The following NWD2 variants were observed in gnomAD, a reference collection of about 807,000 sequenced individuals.
NWD2 encodes NACHT and WD repeat domain containing 2, also known as NACHT and WD repeat domain-containing protein 2.
In NWD2, 37 loss-of-function variants were observed where a neutral mutation model predicts 132.7. The observed-to-expected ratio is 0.28, with a 90% confidence interval of 0.21 to 0.37. The LOEUF (loss-of-function observed/expected upper bound fraction) is 0.37, where lower values mean the gene tolerates loss of function less well. Among genes scored for constraint, NWD2 ranks in the 10% least tolerant of loss-of-function variants. The pLI, the probability that NWD2 is intolerant of heterozygous loss-of-function variation, is 1.00. For synonymous variants in NWD2, 705 were observed against 803.0 expected, an observed-to-expected ratio of 0.88 and a Z score of 2.06; for missense variants, 1,592 against 2,122.4, an observed-to-expected ratio of 0.75 and a Z score of 4.91.
At chr4:37,245,728 G>T (rs1341248565) in intron 1 of NWD2, among the ~76,000 whole-genome samples, 1 of 152,072 alleles carries the variant, frequency 6.6e-6, no homozygotes, top group Non-Finnish European at 1.5e-5. Flanking sequence ...CTTTGCAGAG[G>T]CCAAGCAGAC....
chr4:37,330,087 T>C (rs1214103285), intron 2 of NWD2, among the ~76,000 whole-genome samples: 1 of 152,252 alleles, frequency 6.6e-6, no homozygotes, highest in Non-Finnish European at 1.5e-5. Flanking sequence ...ATACGCATTT[T>C]AAGCAAGTCC....
intron 1 of NWD2, among the ~76,000 whole-genome samples, chr4:37,290,820 T>G (rs1369011964): frequency 3.9e-5 from 6 of 152,226 alleles, no homozygotes; most frequent in African/African-American, 1.4e-4. Flanking sequence ...TTTTTGCTCT[T>G]CACTCCGCAG....
At chr4:37,324,740 T>C (rs2109287272) in intron 1 of NWD2, among the ~76,000 whole-genome samples, 1 of 152,300 alleles carries the variant, frequency 6.6e-6, no homozygotes, top group South Asian at 2.1e-4. Context: ...GAATCTTTGA[T>C]TTCTGTGTAA....
chr4:37,432,436 T>C (rs966090750), intron 4 of NWD2, among the ~76,000 whole-genome samples: 1 of 152,018 alleles, frequency 6.6e-6, no homozygotes. Flanking sequence ...ATCATAATCA[T>C]GATCAGTTTC....
intron 1 of NWD2, among the ~76,000 whole-genome samples, chr4:37,284,311 C>T (rs1453722168): frequency 6.6e-6 from 1 of 152,206 alleles, no homozygotes; most frequent in African/African-American, 2.4e-5. Flanking sequence ...ACTTTCATGA[C>T]TTAATTACTT....
At position 37,444,274 on chromosome 4, in the gene NWD2, T is replaced by C; in HGVS notation, c.2286T>C (p.Tyr762=). The change falls in exon 7 of 7, where the codon TAT becomes TAC. Residue 762 remains tyrosine (Y), a synonymous_variant. Coordinates refer to ENST00000309447, the MANE Select transcript of NWD2 (RefSeq NM_001144990.2). This position sits in a 1 kb window ranked among gnomAD's most constrained non-coding sequence, Gnocchi z 4.8. ...AAATGCACACCATCTTAGCAGATTA[T>C]TTTCTGGGGGTTTGGTCAGGGGGCA... ...LREMHTILAD[Y]FLGVWSGGRR... is the part of the protein sequence containing the mutation. 1 of 1,551,644 alleles carries C rather than the reference T, an allele frequency of 6.4e-7. No individual in the cohort carries two copies. The highest frequency in any genetic ancestry group is 8.7e-7 in the Non-Finnish European group (1 of 1,146,980).
chr4:37,308,219 C>A (rs770615459), intron 1 of NWD2, among the ~76,000 whole-genome samples: 3 of 152,164 alleles, frequency 2.0e-5, no homozygotes, highest in Admixed American at 2.0e-4. Flanking sequence ...TCTGGTAGAA[C>A]AGTCACGTCT....
intron 1 of NWD2, among the ~76,000 whole-genome samples, chr4:37,323,741 A>G (rs1344022719): frequency 6.6e-6 from 1 of 152,172 alleles, no homozygotes; most frequent in Non-Finnish European, 1.5e-5. Context: ...ATGCACTTGT[A>G]TGCTCATTGC....
intron 3 of NWD2, among the ~76,000 whole-genome samples, chr4:37,397,681 A>G (rs1196014705): frequency 2.0e-5 from 3 of 152,160 alleles, no homozygotes; most frequent in Admixed American, 6.5e-5. Flanking sequence ...GTAAGTACAG[A>G]TCACTTTCAT....
chr4:37,278,777 T>TA (rs950515330), intron 1 of NWD2, among the ~76,000 whole-genome samples: 3 of 152,112 alleles, frequency 2.0e-5, no homozygotes, highest in Non-Finnish European at 2.9e-5. Context: ...CGCATACACC[T>TA]AAAAGGTAAA....
chr4:37,288,898 G>A (rs758820231), intron 1 of NWD2, among the ~76,000 whole-genome samples: 77 of 151,816 alleles, frequency 5.1e-4, no homozygotes, highest in African/African-American at 1.7e-3. Flanking sequence ...TGGATGAATC[G>A]GTTATTATTT....
chr4:37,293,047 A>T (rs1718398001), intron 1 of NWD2, among the ~76,000 whole-genome samples: 1 of 152,204 alleles, frequency 6.6e-6, no homozygotes, highest in African/African-American at 2.4e-5. Context: ...TGAAAATGTC[A>T]TCCACTGGAC....
At chr4:37,401,745 T>G (rs1236632891) in intron 3 of NWD2, among the ~76,000 whole-genome samples, 2 of 152,224 alleles carry the variant, frequency 1.3e-5, no homozygotes, top group Non-Finnish European at 2.9e-5. Flanking sequence ...AAGTATCTTC[T>G]GCACACCTTT....
chr4:37,317,623 T>G (rs1171409175), intron 1 of NWD2, among the ~76,000 whole-genome samples: 2 of 152,230 alleles, frequency 1.3e-5, no homozygotes, highest in African/African-American at 4.8e-5. Flanking sequence ...CAAAGTTCAG[T>G]GATTATTCAT....
intron 4 of NWD2, among the ~76,000 whole-genome samples, chr4:37,431,239 A>G (rs895968175): frequency 1.3e-5 from 2 of 152,234 alleles, no homozygotes; most frequent in Non-Finnish European, 1.5e-5. Flanking sequence ...CAAGATATGG[A>G]AACAGTCTAA....
chr4:37,420,535 T>C (rs923096724), intron 3 of NWD2, among the ~76,000 whole-genome samples: 1 of 152,022 alleles, frequency 6.6e-6, no homozygotes, highest in Admixed American at 6.6e-5. Context: ...AATACAAAAA[T>C]TAGCTGGTGT....
intron 3 of NWD2, among the ~76,000 whole-genome samples, chr4:37,410,152 A>G (rs1213316066): frequency 6.6e-6 from 1 of 152,126 alleles, no homozygotes; most frequent in Non-Finnish European, 1.5e-5. Context: ...ATTCACACAT[A>G]ATATTACCCT....
At chr4:37,352,980 A>C (rs1188068492) in intron 2 of NWD2, among the ~76,000 whole-genome samples, 2 of 152,220 alleles carry the variant, frequency 1.3e-5, no homozygotes, top group Non-Finnish European at 2.9e-5. Flanking sequence ...ATGTTTTTAC[A>C]GTGGCTTGTA....
intron 1 of NWD2, among the ~76,000 whole-genome samples, chr4:37,312,513 C>G (rs1157323544): frequency 1.3e-5 from 2 of 151,044 alleles, no homozygotes; most frequent in East Asian, 3.8e-4. Flanking sequence ...TGCTTATCAG[C>G]TTAAGGAGAT....
Sources: allele counts gnomAD v4.1 joint callset (sites outside exome capture counted in the v4.1 genomes callset), GRCh38; gene constraint gnomAD v4.1.1; non-coding constraint Gnocchi (gnomAD v3.1); transcripts MANE v1.5; gene names NCBI Gene and HGNC (gene_info 2026-07-23, HGNC 2026-07-21).